The following ZFAND3 variants were observed in gnomAD, a reference collection of about 807,000 sequenced individuals.
ZFAND3 encodes AN1-type zinc finger protein 3.
A neutral mutation model predicts 29.6 loss-of-function variants in ZFAND3; 10 were observed. The ratio of observed to expected loss-of-function variants is 0.34; its 90% confidence interval spans 0.21 to 0.57. The LOEUF (loss-of-function observed/expected upper bound fraction) is 0.57, where lower values mean the gene tolerates loss of function less well. ZFAND3 is among the 20% of genes least tolerant of loss of function. The pLI is 0.86. For synonymous variants in ZFAND3, 128 were observed against 112.6 expected, an observed-to-expected ratio of 1.14 and a Z score of -0.87; for missense variants, 230 against 304.5, an observed-to-expected ratio of 0.76 and a Z score of 1.82.
intron 3 of ZFAND3, among the ~76,000 whole-genome samples, chr6:38,071,327 T>TA (rs1449737885): frequency 6.6e-6 from 1 of 152,106 alleles, no homozygotes; most frequent in Non-Finnish European, 1.5e-5. Flanking sequence ...TATGTACATT[T>TA]AATACTTTCA....
chr6:37,882,662 AC>A (rs1479874892), intron 1 of ZFAND3, among the ~76,000 whole-genome samples: 1 of 83,194 alleles, frequency 1.2e-5, no homozygotes, highest in Non-Finnish European at 2.4e-5. Context: ...CCACCCTTCC[AC>A]CCTTTTGGAT....
chr6:38,151,165 T>G (rs1766214345), intron 5 of ZFAND3, among the ~76,000 whole-genome samples: 1 of 152,188 alleles, frequency 6.6e-6, no homozygotes, highest in African/African-American at 2.4e-5. Context: ...AGCTGCGCCC[T>G]GAGTTCTCTG....
intron 2 of ZFAND3, among the ~76,000 whole-genome samples, chr6:38,039,702 G>A (rs921112941): frequency 1.3e-5 from 2 of 152,162 alleles, no homozygotes; most frequent in Non-Finnish European, 2.9e-5. Flanking sequence ...TCTACAAGGA[G>A]ACATTCCAGA....
At position 37,853,749 on chromosome 6, in the gene ZFAND3, A is replaced by G. The variant is rs529190995; in HGVS notation, c.71+33733A>G. 1.9e-3 allele frequency among the ~76,000 whole-genome samples: 283 copies of G among 152,310 alleles called. 2 individuals carry two copies. Among genetic ancestry groups the G allele is most frequent in the African/African-American group, 5.9e-3 (246 of 41,566 alleles). ...GGTACAGAAGTAGGAAGAAAATACT[A>G]AAACCCCTAAGAATCTAAACTATTT... is the stretch of plus-strand genomic sequence containing the variant. On this transcript the variant is annotated intron_variant, in intron 1 of 5. Coordinates refer to ENST00000287218, the MANE Select transcript of ZFAND3 (RefSeq NM_021943.3).
At chr6:37,861,206 A>G (rs1436621447) in intron 1 of ZFAND3, among the ~76,000 whole-genome samples, 2 of 152,178 alleles carry the variant, frequency 1.3e-5, no homozygotes, top group Admixed American at 6.5e-5. Flanking sequence ...GCAGTGAGCC[A>G]AGATCGTGCC....
At chr6:37,999,971 A>T (rs1762916236) in intron 2 of ZFAND3, among the ~76,000 whole-genome samples, 1 of 152,042 alleles carries the variant, frequency 6.6e-6, no homozygotes, top group Admixed American at 6.5e-5. Flanking sequence ...CCTTTTTATA[A>T]ATCTAAAACT....
chr6:38,003,690 G>A (rs776492714), intron 2 of ZFAND3: 2 of 285,770 alleles, frequency 7.0e-6, no homozygotes, highest in Non-Finnish European at 1.4e-5. Context: ...TTTTTTTGTA[G>A]AGACGGGGTT....
intron 1 of ZFAND3, among the ~76,000 whole-genome samples, chr6:37,880,351 G>A (rs1231055738): frequency 2.0e-5 from 3 of 152,126 alleles, no homozygotes; most frequent in African/African-American, 7.2e-5. Flanking sequence ...TTGTTCTGGA[G>A]CTGAAAAAGA....
chr6:37,878,985 A>C (rs1316097640), intron 1 of ZFAND3, among the ~76,000 whole-genome samples: 1 of 152,174 alleles, frequency 6.6e-6, no homozygotes, highest in Non-Finnish European at 1.5e-5. Context: ...TGATTTTAGC[A>C]TTCTTGTGCC....
chr6:38,019,402 G>A (rs1039496828), intron 2 of ZFAND3, among the ~76,000 whole-genome samples: 6 of 152,016 alleles, frequency 3.9e-5, no homozygotes, highest in African/African-American at 1.4e-4. Context: ...TAGACTTTGG[G>A]TCTTTTTTAT....
intron 2 of ZFAND3, among the ~76,000 whole-genome samples, chr6:37,965,581 TTC>T (rs1762279178): frequency 6.6e-6 from 1 of 151,970 alleles, no homozygotes; most frequent in Non-Finnish European, 1.5e-5. Context: ...TTTTTTTTTT[TTC>T]CTTTGAGTTG....
At chr6:37,933,292 A>T (rs1761632726) in intron 2 of ZFAND3, among the ~76,000 whole-genome samples, 2 of 152,216 alleles carry the variant, frequency 1.3e-5, no homozygotes, top group Non-Finnish European at 2.9e-5. Flanking sequence ...TTAGTTTGTT[A>T]TAACTTGTTT....
intron 2 of ZFAND3, among the ~76,000 whole-genome samples, chr6:37,940,573 T>A (rs551041379): frequency 7.2e-5 from 11 of 152,198 alleles, no homozygotes; most frequent in Non-Finnish European, 1.3e-4. Context: ...AGAAAAGAGG[T>A]TTGATTGGCT....
chr6:37,827,365 T>A (rs1317957986), intron 1 of ZFAND3, among the ~76,000 whole-genome samples: 2 of 152,226 alleles, frequency 1.3e-5, no homozygotes, highest in Non-Finnish European at 2.9e-5. Context: ...ACAATCAGTT[T>A]CTTTTTGGTT....
chr6:37,960,450 T>TGGGGAGTACC (rs1401679797), intron 2 of ZFAND3, among the ~76,000 whole-genome samples: 1 of 152,182 alleles, frequency 6.6e-6, no homozygotes, highest in Non-Finnish European at 1.5e-5. Flanking sequence ...CAGAAGGCAA[T>TGGGGAGTACC]GGGGAGTACC....
At chr6:37,940,483 A>G (rs1000417890) in intron 2 of ZFAND3, among the ~76,000 whole-genome samples, 8 of 152,218 alleles carry the variant, frequency 5.3e-5, no homozygotes, top group African/African-American at 1.7e-4. Context: ...TAAAAGCTTC[A>G]GTGCTTAGCT....
At chr6:37,907,524 T>C (rs754614595) in intron 1 of ZFAND3, among the ~76,000 whole-genome samples, 2 of 152,208 alleles carry the variant, frequency 1.3e-5, no homozygotes, top group African/African-American at 2.4e-5. Context: ...TGAACGTGTT[T>C]TTGTGGTTCA....
At chr6:37,977,490 C>T (rs1417584360) in intron 2 of ZFAND3, among the ~76,000 whole-genome samples, 3 of 151,766 alleles carry the variant, frequency 2.0e-5, no homozygotes, top group East Asian at 1.9e-4. Flanking sequence ...TTAGTAGAGA[C>T]GGGGGTTTCA....
At chr6:38,068,773 T>G (rs1337365546) in intron 3 of ZFAND3, among the ~76,000 whole-genome samples, 1 of 152,232 alleles carries the variant, frequency 6.6e-6, no homozygotes, top group Non-Finnish European at 1.5e-5. Flanking sequence ...GTGAGGATTT[T>G]TAATGACTAA....
Sources: allele counts gnomAD v4.1 joint callset (sites outside exome capture counted in the v4.1 genomes callset), GRCh38; gene constraint gnomAD v4.1.1; transcripts MANE v1.5; gene names NCBI Gene and HGNC (gene_info 2026-07-23, HGNC 2026-07-21).